BICD1: variants seen among roughly 807,000 people sequenced by gnomAD.
BICD1 encodes protein bicaudal D homolog 1.
BICD1 carries 35 observed loss-of-function variants against 92.5 expected under a neutral mutation model. The observed-to-expected ratio is 0.38, with a 90% CI of 0.29 to 0.50. BICD1 has a LOEUF of 0.50. Among genes scored for constraint, BICD1 ranks in the 20% least tolerant of loss-of-function variants. The pLI is 0.93. For missense variants in BICD1, 950 were observed against 1,189.8 expected (o/e 0.80, Z 2.97); for synonymous variants, 429 against 465.1 (o/e 0.92, Z 1.00).
intron 2 of BICD1, among the ~76,000 whole-genome samples, chr12:32,288,345 C>A (rs139468354): frequency 0.012 from 1,803 of 151,240 alleles, 105 homozygotes; most frequent in Admixed American, 0.1. Flanking sequence ...AATCCTCCCA[C>A]TTCAGCCCCC....
intron 1 of BICD1, among the ~76,000 whole-genome samples, chr12:32,131,061 C>T (rs1310981144): frequency 1.3e-5 from 2 of 152,022 alleles, no homozygotes; most frequent in Non-Finnish European, 2.9e-5. Flanking sequence ...TCTCGAACTC[C>T]TGACCTCAGG....
At chr12:32,263,038 G>A (rs553566151) in intron 2 of BICD1, among the ~76,000 whole-genome samples, 43 of 152,104 alleles carry the variant, frequency 2.8e-4, no homozygotes, top group African/African-American at 9.6e-4. Flanking sequence ...CAGCTACTTC[G>A]GAGAGAGGAT....
intron 4 of BICD1, among the ~76,000 whole-genome samples, chr12:32,314,774 TA>T (rs199728437): frequency 0.013 from 1,884 of 142,908 alleles, 38 homozygotes; most frequent in African/African-American, 0.045. Flanking sequence ...TTTTTTTTTT[TA>T]AAAGAGATGG....
intron 1 of BICD1, among the ~76,000 whole-genome samples, chr12:32,208,394 A>G (rs1327605787): frequency 6.6e-6 from 1 of 152,230 alleles, no homozygotes; most frequent in Non-Finnish European, 1.5e-5. Flanking sequence ...AGAAGCTATT[A>G]TTATCCCCAT....
chr12:32,329,576 A>G (rs1454556482), intron 5 of BICD1, among the ~76,000 whole-genome samples: 2 of 152,242 alleles, frequency 1.3e-5, no homozygotes, highest in African/African-American at 4.8e-5. Context: ...GGGCCACTTT[A>G]GCAAGGAAAT....
chr12:32,243,272 T>TTTC (rs1946284505), intron 2 of BICD1, among the ~76,000 whole-genome samples: 1 of 134,044 alleles, frequency 7.5e-6, no homozygotes, highest in Non-Finnish European at 1.6e-5. Flanking sequence ...TAATTTTTTT[T>TTTC]TTTTTTTTTT....
rs201126946 is a variant in BICD1, at chr12:32,377,744, G to A, written c.*117G>A. The A allele has an allele frequency of 2.1e-5, 19 of 892,350 alleles. No individual in the cohort carries two copies. The highest frequency in any genetic ancestry group is 2.9e-5 in the Non-Finnish European group (16 of 555,422). The allele number at this position is 892,350 out of a possible 1,614,324, so 55.3% of individuals were successfully genotyped here. On this transcript the variant is annotated 3_prime_UTR_variant, in exon 10 of 10. Transcript: ENST00000652176. ...TTGTTAGATGTACAATTGGATTAAT[G>A]TCCATCGTTTTGGAAGACGAGAGAA... is the stretch of plus-strand genomic sequence containing the variant.
intron 1 of BICD1, among the ~76,000 whole-genome samples, chr12:32,151,355 T>C (rs565067139): frequency 3.6e-4 from 55 of 152,350 alleles, no homozygotes; most frequent in African/African-American, 1.3e-3. Context: ...CTGGAGCCTC[T>C]GGCTGCCTGC....
In BICD1 at chr12:32,147,662, C is replaced by T. The variant is rs557143762; in HGVS notation, c.213+40118C>T. Among the ~76,000 whole-genome samples, 2 of 152,104 alleles carry T rather than the reference C, an allele frequency of 1.3e-5. 1 individual carries two copies. The highest frequency in any genetic ancestry group is 4.1e-4 in the South Asian group (2 of 4,826). On this transcript the variant is annotated intron_variant, in intron 1 of 9. Coordinates refer to ENST00000652176, the MANE Select transcript of BICD1 (RefSeq NM_001714.4). ...TTTTCTAGAAACATGAATAAGTACA[C>T]AATAATTTAGTTAATGTGGGCAGTA...
At chr12:32,122,055 A>T (rs1942173966) in intron 1 of BICD1, among the ~76,000 whole-genome samples, 1 of 152,110 alleles carries the variant, frequency 6.6e-6, no homozygotes, top group South Asian at 2.1e-4. Context: ...GACTCAAGAC[A>T]TCTACCTGCC....
rs1186298003 is a variant in BICD1, at chr12:32,107,270, C to T, written c.-62C>T. Reference sequence around the variant, plus strand: ...CTTCCCATTTCCTTCTCCCTTTCCCCGCCAGCTTCGCATCCATCTCCCCCA... The same window carrying T: ...CTTCCCATTTCCTTCTCCCTTTCCCTGCCAGCTTCGCATCCATCTCCCCCA... On this transcript the variant is annotated 5_prime_UTR_variant, in exon 1 of 10. Coordinates refer to ENST00000652176, the MANE Select transcript of BICD1 (RefSeq NM_001714.4). 7 of 1,424,400 alleles carry T rather than the reference C, an allele frequency of 4.9e-6. No homozygotes were observed. The highest frequency in any genetic ancestry group is 4.3e-5 in the Admixed American group (2 of 46,916). 88.2% of individuals were successfully genotyped at this position (1,424,400 alleles called of 1,614,324 possible).
At chr12:32,281,446 C>T (rs77505004) in intron 2 of BICD1, among the ~76,000 whole-genome samples, 6,762 of 152,192 alleles carry the variant, frequency 0.044, 272 homozygotes, top group East Asian at 0.21. Flanking sequence ...AATCCTCCTG[C>T]GTCCATCAGC....
At chr12:32,131,858 G>A (rs143318126) in intron 1 of BICD1, among the ~76,000 whole-genome samples, 1 of 152,272 alleles carries the variant, frequency 6.6e-6, no homozygotes, top group Non-Finnish European at 1.5e-5. Context: ...GGGGAGAAAG[G>A]CAACAAAAGC....
At chr12:32,138,432 G>T (rs1176572191) in intron 1 of BICD1, among the ~76,000 whole-genome samples, 3 of 152,150 alleles carry the variant, frequency 2.0e-5, no homozygotes, top group Non-Finnish European at 4.4e-5. Context: ...ATAGGAATAT[G>T]TATGTGTATG....
intron 1 of BICD1, among the ~76,000 whole-genome samples, chr12:32,189,629 T>C (rs1338325824): frequency 2.6e-5 from 4 of 151,742 alleles, no homozygotes; most frequent in Non-Finnish European, 5.9e-5. Context: ...GAATACACAG[T>C]ATAAAAAGGT....
At chr12:32,194,725 T>C (rs1944677039) in intron 1 of BICD1, among the ~76,000 whole-genome samples, 1 of 150,742 alleles carries the variant, frequency 6.6e-6, no homozygotes, top group Non-Finnish European at 1.5e-5. Flanking sequence ...CTACTAAAAA[T>C]ACAAAAAATT....
chr12:32,159,598 G>C (rs1307486421), intron 1 of BICD1, among the ~76,000 whole-genome samples: 1 of 152,132 alleles, frequency 6.6e-6, no homozygotes, highest in Non-Finnish European at 1.5e-5. Flanking sequence ...ACGTTCTGGC[G>C]AGAAATGTGC....
At chr12:32,327,284 T>A (rs2136258714) in intron 4 of BICD1, among the ~76,000 whole-genome samples, 177 bp from the exon 5 acceptor site, 1 of 152,312 alleles carries the variant, frequency 6.6e-6, no homozygotes, top group African/African-American at 2.4e-5. Context: ...ATTATGTACT[T>A]TTAGATTGAC....
chr12:32,278,083 A>G (rs1947322848), intron 2 of BICD1, among the ~76,000 whole-genome samples: 1 of 152,196 alleles, frequency 6.6e-6, no homozygotes, highest in Non-Finnish European at 1.5e-5. Flanking sequence ...GTCACAGGTA[A>G]GTCTATGAAG....
Sources: allele counts gnomAD v4.1 joint callset (sites outside exome capture counted in the v4.1 genomes callset), GRCh38; gene constraint gnomAD v4.1.1; transcripts MANE v1.5; gene names NCBI Gene and HGNC (gene_info 2026-07-23, HGNC 2026-07-21).